Variants in ATF7IP2 observed in about 807,000 individuals in gnomAD.
ATF7IP2 encodes activating transcription factor 7 interacting protein 2.
Under a neutral mutation model 64.2 loss-of-function variants are expected in ATF7IP2, and 42 were observed. The observed-to-expected ratio is 0.65, with a 90% confidence interval of 0.51 to 0.85. The LOEUF is 0.85. ATF7IP2 is among the 40% of genes least tolerant of loss of function. The probability of loss-of-function intolerance (pLI) is 0.00; values close to 1 mark genes in which losing one functional copy is unlikely to be tolerated. For synonymous variants in ATF7IP2, 308 were observed against 272.8 expected (o/e 1.13, Z -1.27); for missense variants, 933 against 784.2 (o/e 1.19, Z -2.27).
intron 9 of ATF7IP2, among the ~76,000 whole-genome samples, chr16:10,458,918 G>A (rs1596572515): frequency 6.6e-6 from 1 of 152,218 alleles, no homozygotes; most frequent in East Asian, 1.9e-4. Flanking sequence ...GGGCGCGGTG[G>A]CTCACGCCTG....
chr16:10,481,794 G>T, intron 13 of ATF7IP2, 42 bp from the exon 14 acceptor site: 2 of 1,473,612 alleles, frequency 1.4e-6, no homozygotes, highest in South Asian at 2.7e-5. Flanking sequence ...AACTGCAATT[G>T]ACCACTTTAA....
intron 9 of ATF7IP2, among the ~76,000 whole-genome samples, chr16:10,459,161 C>A (rs1363310205): frequency 1.3e-5 from 2 of 151,396 alleles, no homozygotes; most frequent in Admixed American, 1.3e-4. Flanking sequence ...TGGAGAAACC[C>A]TGTCTCTGCT....
chr16:10,479,895 A>G (rs368165131), intron 12 of ATF7IP2, among the ~76,000 whole-genome samples: 48 of 150,630 alleles, frequency 3.2e-4, no homozygotes, highest in African/African-American at 1.1e-3. Context: ...GTAGGAATGT[A>G]AATTAGTTCC....
At chr16:10,474,593 G>C (rs1247548056) in intron 12 of ATF7IP2, among the ~76,000 whole-genome samples, 1 of 152,086 alleles carries the variant, frequency 6.6e-6, no homozygotes, top group African/African-American at 2.4e-5. Flanking sequence ...CAGATTTAAG[G>C]AAAAAGAAGT....
intron 8 of ATF7IP2, chr16:10,454,089 T>G (rs1233511731): frequency 6.6e-6 from 1 of 151,936 alleles, no homozygotes; most frequent in Non-Finnish European, 1.5e-5. Context: ...AATTATTGAA[T>G]TCACTGTCAT....
intron 1 of ATF7IP2, among the ~76,000 whole-genome samples, chr16:10,388,002 A>G (rs1289000399): frequency 6.6e-6 from 1 of 152,008 alleles, no homozygotes; most frequent in Non-Finnish European, 1.5e-5. Context: ...CTCCGGGTTC[A>G]AGTGATTCTC....
At chr16:10,389,026 T>A (rs1193801507) in intron 1 of ATF7IP2, among the ~76,000 whole-genome samples, 1 of 151,192 alleles carries the variant, frequency 6.6e-6, no homozygotes, top group Admixed American at 6.6e-5. Flanking sequence ...AAAAAAAAAT[T>A]ATAGTGGGAA....
chr16:10,433,165 G>C (rs1458033461), intron 5 of ATF7IP2, among the ~76,000 whole-genome samples: 2 of 152,058 alleles, frequency 1.3e-5, no homozygotes, highest in African/African-American at 4.8e-5. Context: ...CTAAATTAGA[G>C]AATTCCTATT....
At chr16:10,454,655 C>T (rs909174328) in intron 8 of ATF7IP2, among the ~76,000 whole-genome samples, 1 of 151,964 alleles carries the variant, frequency 6.6e-6, no homozygotes, top group Non-Finnish European at 1.5e-5. Context: ...TCTTAAGAGA[C>T]CTTTTCTAAC....
intron 1 of ATF7IP2, among the ~76,000 whole-genome samples, chr16:10,399,940 G>A (rs139961234): frequency 9.2e-5 from 14 of 152,092 alleles, no homozygotes; most frequent in Non-Finnish European, 1.8e-4. Context: ...TTTATTTTAC[G>A]TTTTGTAGCT....
At chr16:10,469,482 T>C (rs2049706705) in intron 9 of ATF7IP2, among the ~76,000 whole-genome samples, 1 of 151,976 alleles carries the variant, frequency 6.6e-6, no homozygotes, top group African/African-American at 2.4e-5. Flanking sequence ...CATGAAAGCA[T>C]ACAAAACCAC....
intron 1 of ATF7IP2, among the ~76,000 whole-genome samples, chr16:10,414,165 C>G (rs568950256): frequency 2.1e-4 from 32 of 152,270 alleles, no homozygotes; most frequent in Admixed American, 3.3e-4. Flanking sequence ...TGACTATTCT[C>G]CCAAATACGT....
intron 8 of ATF7IP2, chr16:10,445,930 G>C (rs928605085): frequency 6.6e-6 from 1 of 152,144 alleles, no homozygotes; most frequent in African/African-American, 2.4e-5. Context: ...AAGCATACTT[G>C]GAATCAGTAT....
At chr16:10,446,428 A>G (rs1483686831) in intron 8 of ATF7IP2, 2 of 152,216 alleles carry the variant, frequency 1.3e-5, no homozygotes, top group Non-Finnish European at 2.9e-5. Context: ...ACTTTCCACC[A>G]AAGGTTAGTT....
chr16:10,461,482 C>G (rs750806842), intron 9 of ATF7IP2, among the ~76,000 whole-genome samples: 1 of 152,024 alleles, frequency 6.6e-6, no homozygotes, highest in East Asian at 1.9e-4. Flanking sequence ...AGAAATTACC[C>G]TAAATCTATA....
chr16:10,473,865 TAAA>T lies in ATF7IP2; in HGVS notation c.1483-55_1483-53del. 3.5e-6 allele frequency: 4 copies of T among 1,155,036 alleles called. 1 individual carries two copies. The South Asian group carries it at 6.2e-5, about 18-fold the overall frequency. 71.5% of individuals were successfully genotyped at this position (1,155,036 alleles called of 1,614,324 possible). On this transcript the variant is annotated intron_variant, in intron 11 of 13. Transcript: ENST00000562102. The stretch of plus-strand genomic sequence containing the variant: ...AAATTACCAAATGGTTTTAAATTTT[TAAA>T]AACATTTTCAGCTATTGAGGCAAAG...
At chr16:10,404,546 C>CT (rs753348082) in intron 1 of ATF7IP2, among the ~76,000 whole-genome samples, 68 of 152,008 alleles carry the variant, frequency 4.5e-4, no homozygotes, top group Non-Finnish European at 8.8e-4. Context: ...TCTGCCCAGC[C>CT]TTTTTTTTAT....
intron 5 of ATF7IP2, among the ~76,000 whole-genome samples, chr16:10,432,632 G>T (rs1160577122): frequency 1.3e-5 from 2 of 152,194 alleles, no homozygotes; most frequent in Non-Finnish European, 2.9e-5. Flanking sequence ...ACTTTGGAAG[G>T]TTGAGGCAGG....
chr16:10,466,639 C>T (rs1230180993), intron 9 of ATF7IP2, among the ~76,000 whole-genome samples: 1 of 151,968 alleles, frequency 6.6e-6, no homozygotes, highest in East Asian at 1.9e-4. Context: ...GCATGTTAGC[C>T]ATTTGGATAT....
Sources: gnomAD v4.1 joint callset for allele counts (sites outside exome capture counted in the v4.1 genomes callset) on GRCh38, gnomAD v4.1.1 for gene constraint, MANE v1.5 for transcripts, NCBI Gene and HGNC (gene_info 2026-07-23, HGNC 2026-07-21) for gene names.